Variants in ENO4 observed in about 807,000 individuals in gnomAD.
ENO4 encodes 2-phospho-D-glycerate hydro-lyase.
ENO4 carries 53 observed loss-of-function variants against 63.2 expected under a neutral mutation model. That is an observed-to-expected ratio of 0.84 (90% CI 0.67 to 1.05). ENO4 has a LOEUF of 1.05. Among genes scored for constraint, ENO4 ranks in the 50% least tolerant of loss-of-function variants. ENO4 has a pLI of 0.00. For synonymous variants in ENO4, 266 were observed against 283.8 expected (o/e 0.94, Z 0.63); for missense variants, 719 against 772.0 (o/e 0.93, Z 0.81).
chr10:116,878,742 CTTTTTTT>C (rs10635577), intron 11 of ENO4, among the ~76,000 whole-genome samples: 2 of 114,362 alleles, frequency 1.7e-5, no homozygotes, highest in Non-Finnish European at 3.4e-5. Context: ...AATCATATAT[CTTTTTTT>C]TTTTTTTTTT....
chr10:116,886,790 G>A (rs2133294992), downstream of ENO4, among the ~76,000 whole-genome samples: 1 of 152,318 alleles, frequency 6.6e-6, no homozygotes, highest in East Asian at 1.9e-4. Flanking sequence ...GGCAGAGAAA[G>A]AGCGATTAAC....
At chr10:116,890,336 G>A (rs1289662251) in intron 10 of ENO4, among the ~76,000 whole-genome samples, 1 of 152,178 alleles carries the variant, frequency 6.6e-6, no homozygotes, top group Non-Finnish European at 1.5e-5. Context: ...ATCATGGGAT[G>A]CTTGGGCTGA....
chr10:116,901,547 A>T (rs1264598327), intron 10 of ENO4: 1 of 985,244 alleles, frequency 1.0e-6, no homozygotes, highest in East Asian at 1.1e-4. Context: ...AGTTTAGGGG[A>T]AGTAATTCTC....
chr10:116,867,208 G>T (rs1846570823), intron 7 of ENO4, among the ~76,000 whole-genome samples: 1 of 152,110 alleles, frequency 6.6e-6, no homozygotes, highest in Admixed American at 6.6e-5. Context: ...ATTACATCAT[G>T]CCAGATTTAT....
chr10:116,908,017 G>A (rs1241955746), intron 10 of ENO4: 4 of 456,260 alleles, frequency 8.8e-6, no homozygotes, highest in Non-Finnish European at 1.8e-5. Context: ...CAAAAAAAAG[G>A]TGCTTGTAAA....
intron 10 of ENO4, among the ~76,000 whole-genome samples, chr10:116,888,072 C>T (rs1368967755): frequency 6.6e-6 from 1 of 152,188 alleles, no homozygotes; most frequent in African/African-American, 2.4e-5. Context: ...CTATGTGTGG[C>T]TCGGTCATCA....
intron 1 of ENO4, among the ~76,000 whole-genome samples, chr10:116,852,642 C>T (rs760085115): frequency 2.6e-5 from 4 of 152,208 alleles, no homozygotes; most frequent in Non-Finnish European, 4.4e-5. Context: ...CATATGGAAG[C>T]TTGTCCTCTT....
intron 10 of ENO4, among the ~76,000 whole-genome samples, chr10:116,889,404 A>G (rs1294242440): frequency 4.6e-5 from 7 of 152,232 alleles, no homozygotes; most frequent in Non-Finnish European, 1.0e-4. Context: ...CTACAATTTG[A>G]GAACCCCTTT....
chr10:116,876,133 T>G lies in ENO4; in HGVS notation c.1410T>G (p.Ala470=), dbSNP rs1408444194. The part of the protein sequence containing the change: ...GSRCYIIAGT[A]SKSISKLLEQ... ...GGTGTTACATAATTGCAGGAACTGC[T>G]TCCAAAAGCATTTCTAAACTTCTAG... The change falls in exon 11 of 14, where the codon GCT becomes GCG. Residue 470 remains alanine, a synonymous_variant. Coordinates refer to ENST00000341276, the MANE Select transcript of ENO4 (RefSeq NM_001242699.2). 1.3e-6 allele frequency: 2 copies of G among 1,550,782 alleles called. No homozygotes were observed. The highest frequency in any genetic ancestry group is 2.4e-5 in the South Asian group (2 of 84,030).
At chr10:116,868,801 C>A in intron 8 of ENO4, 95 bp downstream of exon 8, 2 of 1,151,116 alleles carry the variant, frequency 1.7e-6, no homozygotes, top group Non-Finnish European at 2.6e-6. Flanking sequence ...TGCTCCAAGA[C>A]CAGGACTGAG....
At chr10:116,901,830 T>TG (rs770680326) in intron 10 of ENO4, 20 of 1,602,684 alleles carry the variant, frequency 1.2e-5, no homozygotes, top group Admixed American at 1.1e-4. Context: ...GCTCAGGTGT[T>TG]GGGGGGGACG....
chr10:116,896,073 T>A (rs1444992618), intron 10 of ENO4, among the ~76,000 whole-genome samples: 1 of 152,160 alleles, frequency 6.6e-6, no homozygotes, highest in Non-Finnish European at 1.5e-5. Context: ...TCCTCTTAGA[T>A]GGATATTATT....
intron 7 of ENO4, among the ~76,000 whole-genome samples, chr10:116,863,131 C>T (rs370364312): frequency 3.3e-5 from 5 of 152,306 alleles, no homozygotes; most frequent in East Asian, 1.9e-4. Flanking sequence ...GTGGCCCCCA[C>T]GATATGAGAG....
At chr10:116,911,582 T>A (rs1488991153) in exon 11 of ENO4, 5 of 1,550,820 alleles carry the variant, frequency 3.2e-6, no homozygotes, top group African/African-American at 1.4e-5. Context: ...ACCACTCTTT[T>A]AGAACAAAAA....
At chr10:116,903,858 A>T (rs1437895213) in intron 10 of ENO4, among the ~76,000 whole-genome samples, 2 of 152,210 alleles carry the variant, frequency 1.3e-5, no homozygotes, top group Non-Finnish European at 2.9e-5. Flanking sequence ...AAGACATTTT[A>T]AAAAATGTAC....
downstream of ENO4, chr10:116,886,504 A>G (rs1403422790): frequency 2.5e-6 from 4 of 1,614,136 alleles, no homozygotes; most frequent in Non-Finnish European, 3.4e-6. Context: ...TAAAACTACA[A>G]CTGGTTCGGC....
rs557172812 is a variant in ENO4, at chr10:116,909,249, G to A, written c.1195-2250G>A. 9.0e-4 allele frequency among the ~76,000 whole-genome samples: 137 copies of A among 152,206 alleles called. 2 individuals carry two copies. The South Asian group carries it at 0.022, about 25-fold the overall frequency. On this transcript the variant is annotated intron_variant, in intron 10 of 10. Coordinates refer to the ENO4 transcript ENST00000369207. ...TCTTTTTCTACTTCAAACCACTGTGGTCATTTAACAACCTTAGGCCCCATG... is the reference window on the plus strand; with the variant it reads ...TCTTTTTCTACTTCAAACCACTGTGATCATTTAACAACCTTAGGCCCCATG...
intron 10 of ENO4, among the ~76,000 whole-genome samples, chr10:116,898,699 A>C (rs1847609265): frequency 6.6e-6 from 1 of 152,228 alleles, no homozygotes; most frequent in Non-Finnish European, 1.5e-5. Context: ...AGGCTTTCCC[A>C]AGCCCTGATT....
intron 10 of ENO4, among the ~76,000 whole-genome samples, chr10:116,903,863 A>G (rs1847852684): frequency 2.0e-5 from 3 of 152,206 alleles, no homozygotes; most frequent in Admixed American, 2.0e-4. Flanking sequence ...ATTTTAAAAA[A>G]TGTACACCGT....
Sources: allele counts gnomAD v4.1 joint callset (sites outside exome capture counted in the v4.1 genomes callset), GRCh38; gene constraint gnomAD v4.1.1; transcripts MANE v1.5; gene names NCBI Gene and HGNC (gene_info 2026-07-23, HGNC 2026-07-21).